The following ADCY7 variants were observed in gnomAD, a reference collection of about 807,000 sequenced individuals.
The protein encoded by ADCY7 is adenylate cyclase type 7.
In ADCY7, 72 loss-of-function variants were observed where a neutral mutation model predicts 120.6. The observed-to-expected ratio is 0.60, with a 90% CI of 0.49 to 0.73. The LOEUF (loss-of-function observed/expected upper bound fraction) is 0.73. Ranked by LOEUF, ADCY7 falls within the 30% of genes least tolerant of loss-of-function variation. The pLI, the probability that ADCY7 is intolerant of heterozygous loss-of-function variation, is 0.00. For missense variants in ADCY7, 1,227 were observed against 1,486.0 expected (o/e 0.83, Z 2.87); for synonymous variants, 661 against 628.0 (o/e 1.05, Z -0.78).
At chr16:50,259,970 G>A (rs962803435) in intron 1 of ADCY7, among the ~76,000 whole-genome samples, 1 of 152,216 alleles carries the variant, frequency 6.6e-6, no homozygotes, top group Non-Finnish European at 1.5e-5. Flanking sequence ...CCGCCTCCCA[G>A]CGTGAAAGAT....
At chr16:50,265,572 C>T (rs1715027407), upstream of ADCY7, among the ~76,000 whole-genome samples, 1 of 152,204 alleles carries the variant, frequency 6.6e-6, no homozygotes, top group Admixed American at 6.5e-5. Context: ...CATCTCTGCC[C>T]TCCTCAAGGA....
Position 50,294,993 on chromosome 16 carries a change from C to T in ADCY7, c.948+242C>T, listed in dbSNP as rs113157924. Among the ~76,000 whole-genome samples the T allele has an allele frequency of 0.014, 2,156 of 152,178 alleles. 52 individuals carry two copies. The highest frequency in any genetic ancestry group is 0.049 in the African/African-American group (2,034 of 41,504). Reference sequence around the variant, plus strand: ...GGGGAGACTGACAGTGCACACTGGGCGATATACTGGGGCTCTGGAGCTCAG... The same window carrying T: ...GGGGAGACTGACAGTGCACACTGGGTGATATACTGGGGCTCTGGAGCTCAG... On this transcript the variant is annotated intron_variant, in intron 7 of 25. Coordinates refer to ENST00000673801, the MANE Select transcript of ADCY7 (RefSeq NM_001114.5).
rs907901303 is a variant in ADCY7, at chr16:50,299,256, T to A, written c.1076+225T>A. On this transcript the variant is annotated intron_variant, in intron 8 of 25. Coordinates refer to ENST00000673801, the MANE Select transcript of ADCY7 (RefSeq NM_001114.5). Reference sequence around the variant, plus strand: ...CTGTGACTCTGAGTCCCAGAAAGCATCTCCGGAGCTCAGAGCTGGGTGATG... The same window carrying A: ...CTGTGACTCTGAGTCCCAGAAAGCAACTCCGGAGCTCAGAGCTGGGTGATG... 3.4e-4 allele frequency among the ~76,000 whole-genome samples: 51 copies of A among 152,192 alleles called. 1 individual carries two copies. Among genetic ancestry groups the A allele is most frequent in the Admixed American group, 3.1e-3 (48 of 15,282 alleles).
chr16:50,304,633 C>T, intron 11 of ADCY7, 82 bp downstream of exon 11: 3 of 1,350,254 alleles, frequency 2.2e-6, no homozygotes, highest in Admixed American at 2.3e-5. Flanking sequence ...GATCTCCTGC[C>T]CTCTCAGCCT....
intron 21 of ADCY7, 130 bp from the exon 22 acceptor site, chr16:50,312,760 C>A: frequency 1.6e-6 from 1 of 640,960 alleles, no homozygotes; most frequent in Non-Finnish European, 2.5e-6. Flanking sequence ...CTCATGCAGC[C>A]CGCCCCCCTC....
intron 17 of ADCY7, chr16:50,309,090 T>C (rs751000104): frequency 4.2e-5 from 15 of 361,250 alleles, no homozygotes; most frequent in Non-Finnish European, 6.6e-5. Flanking sequence ...GTTTCCCCTC[T>C]CAGGGATGAA....
intron 18 of ADCY7, chr16:50,310,330 C>A: frequency 1.2e-6 from 1 of 822,880 alleles, no homozygotes; most frequent in Non-Finnish European, 1.9e-6. Context: ...GCTGGGGAGC[C>A]ACAGCACAAT....
At chr16:50,309,754 C>A in intron 18 of ADCY7, 108 bp downstream of exon 18, 1 of 964,580 alleles carries the variant, frequency 1.0e-6, no homozygotes, top group Non-Finnish European at 1.5e-6. Context: ...GAGAGCACAG[C>A]ATGTGGAGGC....
intron 10 of ADCY7, among the ~76,000 whole-genome samples, chr16:50,303,233 G>A (rs974293292): frequency 3.3e-5 from 5 of 152,116 alleles, no homozygotes; most frequent in Admixed American, 2.0e-4. Context: ...CAGGGCCAGC[G>A]CGCTCTTCCT....
intron 1 of ADCY7, among the ~76,000 whole-genome samples, chr16:50,255,885 C>T (rs1484214742): frequency 1.3e-5 from 2 of 152,152 alleles, no homozygotes; most frequent in Non-Finnish European, 2.9e-5. Flanking sequence ...TGGGTTTTCA[C>T]AGGCAGGAGG....
At position 50,307,094 on chromosome 16, in the gene ADCY7, C is replaced by T. The variant is rs374275770; in HGVS notation, c.1797C>T (p.Cys599=). 47 of 1,611,754 alleles carry T rather than the reference C, an allele frequency of 2.9e-5. No individual in the cohort carries two copies. The highest frequency in any genetic ancestry group is 9.3e-5 in the African/African-American group (7 of 75,026). Residue 599 remains cysteine, a synonymous_variant, in exon 15 of 26, where the codon TGC becomes TGT. Transcript: ENST00000673801. The part of the protein sequence containing the change: ...PIPRARHDFA[C]ASLIFVCILL... ...CCCGGGCCCGCCACGACTTTGCCTGCGCCAGCCTGATCTTCGTCTGCATCC... is the reference window on the plus strand; with the variant it reads ...CCCGGGCCCGCCACGACTTTGCCTGTGCCAGCCTGATCTTCGTCTGCATCC...
intron 1 of ADCY7, among the ~76,000 whole-genome samples, chr16:50,284,977 A>G (rs1377351007): frequency 1.3e-5 from 2 of 152,158 alleles, no homozygotes; most frequent in Admixed American, 6.5e-5. Flanking sequence ...AATTGAATGT[A>G]TCTCAGGCAG....
At chr16:50,295,397 G>A (rs2035288873) in intron 7 of ADCY7, among the ~76,000 whole-genome samples, 1 of 122,004 alleles carries the variant, frequency 8.2e-6, no homozygotes, top group Non-Finnish European at 1.6e-5. Flanking sequence ...GTTTCGCCAT[G>A]TAGGCCAGGC....
At position 50,300,794 on chromosome 16, in the gene ADCY7, G is replaced by A; in HGVS notation, c.1156G>A (p.Gly386Arg). Residue 386 changes from glycine to arginine, a missense_variant, in exon 9 of 26, where the codon GGG becomes AGG. By Grantham distance (125) the Gly-to-Arg change is moderately radical (BLOSUM62 -2). Around this residue, in one of 5 missense-constraint regions of ADCY7, gnomAD observed 332 missense variants for 455.8 expected, o/e 0.73. Transcript: ENST00000673801. ...HSGNVLCGVI[G>R]LRKWQYDVWS... ...GGGGAATGTGCTGTGCGGGGTCATC[G>A]GGCTGCGCAAGTGGCAGTATGACGT... 6.4e-7 allele frequency: 1 copy of A among 1,554,910 alleles called. No homozygotes were observed. The highest frequency in any genetic ancestry group is 8.7e-7 in the Non-Finnish European group (1 of 1,148,860).
chr16:50,292,472 G>C (rs1013751257), intron 4 of ADCY7: 7 of 607,982 alleles, frequency 1.2e-5, no homozygotes, highest in African/African-American at 1.1e-4. Flanking sequence ...GGGTGTCCTG[G>C]TCTTGCAGTC....
chr16:50,278,936 A>C (rs902288815), intron 1 of ADCY7, among the ~76,000 whole-genome samples: 6 of 149,304 alleles, frequency 4.0e-5, no homozygotes, highest in African/African-American at 1.5e-4. Flanking sequence ...CAGTGGTGCA[A>C]TCCCATCTCA....
rs1555525905 is a variant in ADCY7, at chr16:50,311,812, C to CGCCG, written c.2448+26_2448+27insGCCG. The CGCCG allele has an allele frequency of 8.9e-6, 12 of 1,341,760 alleles. 1 individual carries two copies. In the African/African-American group the frequency reaches 1.5e-4, roughly 17 times the overall value. The allele number at this position is 1,341,760 out of a possible 1,614,324, so 83.1% of individuals were successfully genotyped here. A position where few individuals can be genotyped will look rare whatever the true frequency, so the allele number is the denominator to read the frequency against. Reference sequence around the variant, plus strand: ...GTAAGGAGGCTGGCCCCCCCCCCCCCCCCAAGCTCTGCCCACTTTTCCTCA... The same window carrying CGCCG: ...GTAAGGAGGCTGGCCCCCCCCCCCCCGCCGCCCAAGCTCTGCCCACTTTTCCTCA... On this transcript the variant is annotated intron_variant, in intron 20 of 25. Coordinates refer to ENST00000673801, the MANE Select transcript of ADCY7 (RefSeq NM_001114.5).
intron 1 of ADCY7, among the ~76,000 whole-genome samples, chr16:50,267,906 C>T (rs961670046): frequency 1.3e-5 from 2 of 152,100 alleles, no homozygotes; most frequent in Admixed American, 6.5e-5. Context: ...GCACAGCCTT[C>T]GCTTCCCACC....
chr16:50,309,985 G>C (rs928157955), intron 18 of ADCY7, among the ~76,000 whole-genome samples: 1 of 152,248 alleles, frequency 6.6e-6, no homozygotes, highest in African/African-American at 2.4e-5. Flanking sequence ...GCACAGCTCA[G>C]GGAGGGGCTT....
Sources: allele counts gnomAD v4.1 joint callset (sites outside exome capture counted in the v4.1 genomes callset), GRCh38; gene constraint gnomAD v4.1.1; regional missense constraint gnomAD v4.1.1; transcripts MANE v1.5; gene names NCBI Gene and HGNC (gene_info 2026-07-23, HGNC 2026-07-21).